RPA3: variants seen among roughly 807,000 people sequenced by gnomAD.
RPA3 encodes replication protein A 14 kDa subunit.
In RPA3, 24 loss-of-function variants were observed where a neutral mutation model predicts 13.7. The ratio of observed to expected loss-of-function variants is 1.75; its 90% confidence interval spans 1.27 to 2.46. The LOEUF is 2.46. Among genes scored for constraint, RPA3 ranks in the 30% most tolerant of loss-of-function variants. The probability of loss-of-function intolerance (pLI) is 0.00; values close to 1 mark genes in which losing one functional copy is unlikely to be tolerated. For missense variants in RPA3, 183 were observed against 151.0 expected, an observed-to-expected ratio of 1.21 and a Z score of -1.11; for synonymous variants, 59 against 51.2, an observed-to-expected ratio of 1.15 and a Z score of -0.65.
At position 7,670,093 on chromosome 7, in the gene RPA3, G is replaced by C. The variant is rs1035683579; in HGVS notation, c.-758+15737C>G. On this transcript the variant is annotated intron_variant, in intron 4 of 7. Transcript: ENST00000223129. Reference sequence around the variant, plus strand: ...ATTTTAACGTTTCACTTAATTACTTGTTATAAATTCCATACACAATACTTG... The same window carrying C: ...ATTTTAACGTTTCACTTAATTACTTCTTATAAATTCCATACACAATACTTG... Among the ~76,000 whole-genome samples the C allele has an allele frequency of 6.6e-5, 10 of 152,242 alleles. No homozygotes were observed. The East Asian group carries it at 1.9e-3, about 29-fold the overall frequency.
chr7:7,712,998 A>T (rs1306706253), intron 2 of RPA3, among the ~76,000 whole-genome samples: 1 of 152,032 alleles, frequency 6.6e-6, no homozygotes, highest in South Asian at 2.1e-4. Flanking sequence ...AGACTAGCCT[A>T]TTGTGTCAAT....
intron 2 of RPA3, among the ~76,000 whole-genome samples, chr7:7,690,174 A>T (rs557600647): frequency 6.6e-6 from 1 of 152,322 alleles, no homozygotes; most frequent in African/African-American, 2.4e-5. Flanking sequence ...TCTGCTGATG[A>T]TAATGTAGTC....
chr7:7,645,897 G>A (rs1453570452), intron 4 of RPA3, among the ~76,000 whole-genome samples: 4 of 151,582 alleles, frequency 2.6e-5, no homozygotes, highest in Non-Finnish European at 5.9e-5. Flanking sequence ...TCAAAATTTG[G>A]CATTATGGTT....
intron 1 of RPA3, among the ~76,000 whole-genome samples, chr7:7,717,048 CTTTCTTTT>C (rs1191308694): frequency 2.1e-4 from 32 of 149,452 alleles, no homozygotes; most frequent in African/African-American, 7.1e-4. Flanking sequence ...CTTTTTCTTT[CTTTCTTTT>C]TTTCTTTTTT....
chr7:7,678,734 T>C (rs375799537), intron 4 of RPA3, among the ~76,000 whole-genome samples: 2 of 12,250 alleles, frequency 1.6e-4, no homozygotes, highest in South Asian at 1.8e-3. Context: ...TATATATTTA[T>C]ATATTTAGTT....
chr7:7,716,997 A>T (rs1185232439), intron 1 of RPA3, among the ~76,000 whole-genome samples: 5 of 150,648 alleles, frequency 3.3e-5, no homozygotes, highest in Non-Finnish European at 3.0e-5. Flanking sequence ...CCCGTTCGGG[A>T]CCCCTTCCTC....
chr7:7,713,766 C>T (rs1780823998), intron 2 of RPA3, among the ~76,000 whole-genome samples: 1 of 152,110 alleles, frequency 6.6e-6, no homozygotes, highest in Admixed American at 6.5e-5. Context: ...TGAGCAGCTT[C>T]CAAATTTTAA....
At chr7:7,640,210 C>T (rs1056987869) in intron 5 of RPA3, 110 bp downstream of exon 5, 9 of 1,160,714 alleles carry the variant, frequency 7.8e-6, no homozygotes, top group African/African-American at 6.1e-5. Flanking sequence ...ATAAAGGAGT[C>T]GGGGGCGCAG....
intron 1 of RPA3, among the ~76,000 whole-genome samples, chr7:7,718,015 T>C (rs1780959819): frequency 6.6e-6 from 1 of 152,230 alleles, no homozygotes; most frequent in Non-Finnish European, 1.5e-5. Context: ...AATCTAGTTT[T>C]TAGAATTGAC....
chr7:7,699,047 TG>T (rs914697885), intron 2 of RPA3, among the ~76,000 whole-genome samples: 13 of 121,588 alleles, frequency 1.1e-4, no homozygotes, highest in Non-Finnish European at 1.6e-4. Flanking sequence ...TGTGTGTGTG[TG>T]TGGGGGGGGG....
intron 4 of RPA3, among the ~76,000 whole-genome samples, chr7:7,644,892 T>C (rs975914112): frequency 5.3e-5 from 8 of 152,240 alleles, no homozygotes; most frequent in African/African-American, 1.4e-4. Context: ...ACTGTATCCT[T>C]GGATGTATTT....
chr7:7,683,502 A>G (rs1262531557), intron 4 of RPA3, among the ~76,000 whole-genome samples: 2 of 152,248 alleles, frequency 1.3e-5, no homozygotes, highest in Non-Finnish European at 2.9e-5. Flanking sequence ...GCCATAAACA[A>G]AAAGCAAATA....
At chr7:7,646,798 C>T (rs146077277) in intron 4 of RPA3, among the ~76,000 whole-genome samples, 1 of 152,252 alleles carries the variant, frequency 6.6e-6, no homozygotes, top group Non-Finnish European at 1.5e-5. Context: ...TTCCTCTCTT[C>T]TCTCCTCTGC....
chr7:7,666,596 G>T (rs1779464857), intron 4 of RPA3, among the ~76,000 whole-genome samples: 1 of 152,064 alleles, frequency 6.6e-6, no homozygotes, highest in Non-Finnish European at 1.5e-5. Context: ...GTTGACTGAT[G>T]ATATGGGTCA....
chr7:7,642,775 T>G (rs1785003934), intron 4 of RPA3, among the ~76,000 whole-genome samples: 1 of 152,128 alleles, frequency 6.6e-6, no homozygotes, highest in African/African-American at 2.4e-5. Flanking sequence ...TTTTACCAGT[T>G]TGCACTTCCC....
chr7:7,713,413 A>T (rs565129615), intron 2 of RPA3, among the ~76,000 whole-genome samples: 15 of 149,056 alleles, frequency 1.0e-4, no homozygotes, highest in East Asian at 3.9e-4. Flanking sequence ...TTTTTTTTTT[A>T]AATGATATCT....
chr7:7,678,599 A>T (rs1239560131), intron 4 of RPA3, among the ~76,000 whole-genome samples: 9 of 134,678 alleles, frequency 6.7e-5, no homozygotes, highest in Non-Finnish European at 7.7e-5. Context: ...TATATACTTA[A>T]TTTATAGATA....
At chr7:7,704,334 A>G (rs1780541224) in intron 2 of RPA3, among the ~76,000 whole-genome samples, 1 of 152,168 alleles carries the variant, frequency 6.6e-6, no homozygotes, top group Non-Finnish European at 1.5e-5. Context: ...TTTGTTTTGA[A>G]GTTTTGATTT....
intron 2 of RPA3, among the ~76,000 whole-genome samples, chr7:7,705,948 A>G (rs1273910756): frequency 6.6e-6 from 1 of 152,146 alleles, no homozygotes; most frequent in East Asian, 1.9e-4. Context: ...TGAACCTAAA[A>G]CTGCTCTAAA....
Sources: gnomAD v4.1 joint callset for allele counts (sites outside exome capture counted in the v4.1 genomes callset) on GRCh38, gnomAD v4.1.1 for gene constraint, MANE v1.5 for transcripts, NCBI Gene and HGNC (gene_info 2026-07-23, HGNC 2026-07-21) for gene names.